TMEM63C: variants seen among roughly 807,000 people sequenced by gnomAD.
TMEM63C encodes the protein osmosensitive cation channel TMEM63C.
TMEM63C carries 32 observed loss-of-function variants against 99.2 expected under a neutral mutation model. The ratio of observed to expected loss-of-function variants is 0.32; its 90% CI spans 0.24 to 0.43. The LOEUF (loss-of-function observed/expected upper bound fraction) is 0.43. Among genes scored for constraint, TMEM63C ranks in the 20% least tolerant of loss-of-function variants. TMEM63C has a pLI of 1.00. For synonymous variants in TMEM63C, 376 were observed against 397.9 expected (o/e 0.94, Z 0.66); for missense variants, 826 against 1,053.0 (o/e 0.78, Z 2.98).
At chr14:77,186,094 C>G (rs1287237625) in intron 1 of TMEM63C, among the ~76,000 whole-genome samples, 1 of 152,070 alleles carries the variant, frequency 6.6e-6, no homozygotes, top group African/African-American at 2.4e-5. Flanking sequence ...TCACTGCAAC[C>G]TCTGCCTCCC....
intron 1 of TMEM63C, among the ~76,000 whole-genome samples, chr14:77,184,660 T>A (rs1441043625): frequency 6.6e-6 from 1 of 152,146 alleles, no homozygotes; most frequent in African/African-American, 2.4e-5. Context: ...AGTGCCCTGT[T>A]TTGCCTGAGG....
At chr14:77,192,126 C>A (rs1243549205) in intron 1 of TMEM63C, among the ~76,000 whole-genome samples, 1 of 152,164 alleles carries the variant, frequency 6.6e-6, no homozygotes, top group Non-Finnish European at 1.5e-5. Flanking sequence ...CTTTTGGTTA[C>A]CATTTGCATG....
At chr14:77,217,323 A>G (rs915927057) in intron 2 of TMEM63C, among the ~76,000 whole-genome samples, 1 of 152,138 alleles carries the variant, frequency 6.6e-6, no homozygotes, top group Non-Finnish European at 1.5e-5. Flanking sequence ...CACTCCCTCA[A>G]GTCCTTGCTC....
In TMEM63C at chr14:77,257,047, A is replaced by G. The variant is rs1478100488; in HGVS notation, c.*321A>G. 3.4e-6 allele frequency: 1 copy of G among 295,074 alleles called. No individual in the cohort carries two copies. Among genetic ancestry groups the G allele is most frequent in the African/African-American group, 2.1e-5 (1 of 46,560 alleles). 18.3% of individuals were successfully genotyped at this position (295,074 alleles called of 1,614,324 possible). ...TCCCTTCCTGGGACCAAGATGGAGAAGGTGTTCCTAAGGGAGGAGACAGAA... is the reference window on the plus strand; with the variant it reads ...TCCCTTCCTGGGACCAAGATGGAGAGGGTGTTCCTAAGGGAGGAGACAGAA... On this transcript the variant is annotated 3_prime_UTR_variant, in exon 24 of 24. Transcript: ENST00000298351.
At chr14:77,196,719 G>A (rs1219534367) in intron 1 of TMEM63C, among the ~76,000 whole-genome samples, 2 of 152,248 alleles carry the variant, frequency 1.3e-5, no homozygotes, top group Non-Finnish European at 2.9e-5. Flanking sequence ...CTTAGAGGCA[G>A]AATCCAACCG....
At chr14:77,195,911 C>G (rs1426298440) in intron 1 of TMEM63C, among the ~76,000 whole-genome samples, 1 of 152,246 alleles carries the variant, frequency 6.6e-6, no homozygotes, top group Non-Finnish European at 1.5e-5. Flanking sequence ...CACCCCATCA[C>G]AGCTCCCCAA....
intron 1 of TMEM63C, among the ~76,000 whole-genome samples, chr14:77,182,123 C>A (rs542172225): frequency 3.3e-5 from 5 of 152,214 alleles, no homozygotes; most frequent in African/African-American, 1.2e-4. Context: ...AGCCGCCCAC[C>A]CGGGAGGGCG....
chr14:77,215,614 A>AAAAAAAAAAGAAAAGAAAAGAAAAG (rs772701077), intron 2 of TMEM63C, among the ~76,000 whole-genome samples: 4 of 76,546 alleles, frequency 5.2e-5, no homozygotes, highest in African/African-American at 1.1e-4. Flanking sequence ...AAAAAAAAAA[A>AAAAAAAAAAGAAAAGAAAAGAAAAG]AAAAGAAAAG....
At chr14:77,191,777 C>T (rs958579897) in intron 1 of TMEM63C, among the ~76,000 whole-genome samples, 6 of 152,134 alleles carry the variant, frequency 3.9e-5, no homozygotes, top group African/African-American at 1.4e-4. Context: ...CTCCCGACCT[C>T]AGGTGATCCG....
At chr14:77,250,855 G>C (rs1889348490) in intron 21 of TMEM63C, among the ~76,000 whole-genome samples, 1 of 152,014 alleles carries the variant, frequency 6.6e-6, no homozygotes. Context: ...AAGAATAAAG[G>C]ACTGCATGTT....
chr14:77,185,059 C>T (rs537748779), intron 1 of TMEM63C, among the ~76,000 whole-genome samples: 8 of 152,344 alleles, frequency 5.3e-5, no homozygotes, highest in Non-Finnish European at 7.3e-5. Flanking sequence ...GCCTCATTGT[C>T]ACCTCCTGCC....
chr14:77,231,697 AT>A lies in TMEM63C; in HGVS notation c.464del (p.Leu155CysfsTer68). ...CATCTGTATCCCCTCCCTGGGCATC[AT>A]TTTGCCCATCAACTATACTGGATCT... ...LIICIPSLGIILPINYTGSVL... is the reference protein window; with the variant it reads ...LIICIPSLGIXLPINYTGSVL... On this transcript the variant is annotated frameshift_variant, in exon 7 of 24. Coordinates refer to ENST00000298351, the MANE Select transcript of TMEM63C (RefSeq NM_020431.4). LOFTEE classifies it high-confidence loss of function. The A allele has an allele frequency of 1.9e-6, 3 of 1,551,622 alleles. No individual in the cohort carries two copies. Among genetic ancestry groups the A allele is most frequent in the Non-Finnish European group, 2.6e-6 (3 of 1,146,996 alleles).
intron 20 of TMEM63C, 49 bp from the exon 21 acceptor site, chr14:77,249,242 G>C: frequency 6.3e-7 from 1 of 1,597,096 alleles, no homozygotes; most frequent in Non-Finnish European, 8.6e-7. Flanking sequence ...AGCCACAAAG[G>C]TCCAGACTTG....
chr14:77,243,452 C>T (rs745478539), intron 15 of TMEM63C, among the ~76,000 whole-genome samples: 3 of 152,136 alleles, frequency 2.0e-5, no homozygotes, highest in Non-Finnish European at 2.9e-5. Flanking sequence ...AGGCAGCAGG[C>T]TCCTGGTTTG....
At chr14:77,249,498 C>A in intron 21 of TMEM63C, 40 bp downstream of exon 21, 3 of 1,603,996 alleles carry the variant, frequency 1.9e-6, no homozygotes, top group South Asian at 1.1e-5. Context: ...CCTCCACCTG[C>A]CCCACTGTTC....
intron 9 of TMEM63C, among the ~76,000 whole-genome samples, chr14:77,237,815 CT>C (rs1889087724): frequency 1.3e-5 from 2 of 152,240 alleles, no homozygotes; most frequent in African/African-American, 4.8e-5. Flanking sequence ...CCATGCTCTG[CT>C]GGGGATGGGC....
intron 1 of TMEM63C, among the ~76,000 whole-genome samples, chr14:77,206,477 C>T (rs1888404600): frequency 6.6e-6 from 1 of 152,252 alleles, no homozygotes; most frequent in Non-Finnish European, 1.5e-5. Context: ...GATGATGCAC[C>T]ACCTTGGCTT....
intron 1 of TMEM63C, among the ~76,000 whole-genome samples, chr14:77,212,740 G>C (rs373452586): frequency 6.6e-6 from 1 of 152,176 alleles, no homozygotes; most frequent in East Asian, 1.9e-4. Context: ...GAGAGGGTGA[G>C]GATCTTGTCT....
intron 2 of TMEM63C, among the ~76,000 whole-genome samples, chr14:77,217,681 C>T (rs909441608): frequency 2.0e-5 from 3 of 152,204 alleles, no homozygotes; most frequent in African/African-American, 7.2e-5. Flanking sequence ...CCACTGTTAT[C>T]CATGCCTGAG....
Sources: gnomAD v4.1 joint callset for allele counts (sites outside exome capture counted in the v4.1 genomes callset) on GRCh38, gnomAD v4.1.1 for gene constraint, MANE v1.5 for transcripts, NCBI Gene and HGNC (gene_info 2026-07-23, HGNC 2026-07-21) for gene names.